The following ADAMTS17 variants were observed in gnomAD, a reference collection of about 807,000 sequenced individuals.
ADAMTS17 encodes A disintegrin and metalloproteinase with thrombospondin motifs 17.
Under a neutral mutation model 141.5 loss-of-function variants are expected in ADAMTS17, and 113 were observed. That is an observed-to-expected ratio of 0.80 (90% confidence interval 0.69 to 0.93). The LOEUF (loss-of-function observed/expected upper bound fraction) is 0.93. Ranked by LOEUF, ADAMTS17 falls within the 40% of genes least tolerant of loss-of-function variation. The probability of loss-of-function intolerance (pLI) is 0.00; values close to 1 mark genes in which losing one functional copy is unlikely to be tolerated. For synonymous variants in ADAMTS17, 768 were observed against 630.6 expected, an observed-to-expected ratio of 1.22 and a Z score of -3.27; for missense variants, 1,659 against 1,517.9, an observed-to-expected ratio of 1.09 and a Z score of -1.54.
rs1198081846 is a variant in ADAMTS17 at position 99,972,274 on chromosome 15, A to AGAT, written c.*2125_*2127dup. 6.6e-6 allele frequency: 1 copy of AGAT among 152,240 alleles called. No homozygotes were observed. The highest frequency in any genetic ancestry group is 1.5e-5 in the Non-Finnish European group (1 of 68,070). 9.4% of individuals were successfully genotyped at this position (152,240 alleles called of 1,614,324 possible). ...TCAAAAAACAACACCGACAACAAAA[A>AGAT]GATGAGCTAAAAGAGCTCTGCAGAT... On this transcript the variant is annotated 3_prime_UTR_variant, in exon 22 of 22. Coordinates refer to ENST00000268070, the MANE Select transcript of ADAMTS17 (RefSeq NM_139057.4).
chr15:100,284,301 G>T (rs1038125821), intron 3 of ADAMTS17, among the ~76,000 whole-genome samples: 1 of 152,164 alleles, frequency 6.6e-6, no homozygotes, highest in African/African-American at 2.4e-5. Context: ...GGGCAGGTGC[G>T]CTGTGGTTTT....
chr15:100,219,178 T>G (rs900924132), intron 7 of ADAMTS17, among the ~76,000 whole-genome samples: 1 of 152,186 alleles, frequency 6.6e-6, no homozygotes, highest in African/African-American at 2.4e-5. Context: ...TGACTAGTGC[T>G]TGGGGACAAG....
At chr15:100,215,368 G>C (rs759383433) in intron 7 of ADAMTS17, among the ~76,000 whole-genome samples, 1 of 152,220 alleles carries the variant, frequency 6.6e-6, no homozygotes, top group Non-Finnish European at 1.5e-5. Flanking sequence ...GGGCCCGAAT[G>C]TCTGGCGTTC....
chr15:100,172,043 C>A (rs2040180478), intron 8 of ADAMTS17, among the ~76,000 whole-genome samples: 1 of 152,200 alleles, frequency 6.6e-6, no homozygotes, highest in Non-Finnish European at 1.5e-5. Context: ...CCCTTCCAGG[C>A]TCTCAGACCA....
At chr15:100,253,365 TAGAGGGGGAG>T (rs2043213443) in intron 7 of ADAMTS17, among the ~76,000 whole-genome samples, 6 of 72,542 alleles carry the variant, frequency 8.3e-5, no homozygotes, top group Admixed American at 1.4e-4. Context: ...GAGGGGAAGG[TAGAGGGGGAG>T]GGGAAGGTAG....
chr15:100,052,245 A>G (rs58503050), intron 16 of ADAMTS17, among the ~76,000 whole-genome samples: 23,497 of 152,084 alleles, frequency 0.15, 4,145 homozygotes, highest in African/African-American at 0.44. Flanking sequence ...CAGAGTCAGG[A>G]GTAAGGCAAG....
At chr15:100,069,928 A>C (rs375531682) in intron 15 of ADAMTS17, among the ~76,000 whole-genome samples, 2 of 150,436 alleles carry the variant, frequency 1.3e-5, no homozygotes, top group East Asian at 1.9e-4. Context: ...TAAATGCTCC[A>C]ATTAAAAGAC....
intron 8 of ADAMTS17, among the ~76,000 whole-genome samples, chr15:100,161,493 C>G (rs61075242): frequency 0.02 from 3,106 of 152,328 alleles, 163 homozygotes; most frequent in East Asian, 0.19. Context: ...TCCAGCCCTA[C>G]TTTCATAGCC....
chr15:100,239,360 C>G (rs572466969), intron 7 of ADAMTS17, among the ~76,000 whole-genome samples: 1 of 152,202 alleles, frequency 6.6e-6, no homozygotes, highest in Non-Finnish European at 1.5e-5. Flanking sequence ...TGAGGAGCGG[C>G]GCTGGTTGTG....
intron 12 of ADAMTS17, among the ~76,000 whole-genome samples, chr15:100,121,890 T>C (rs1310002314): frequency 6.6e-6 from 1 of 152,168 alleles, no homozygotes; most frequent in Non-Finnish European, 1.5e-5. Flanking sequence ...ACTTTTTGGA[T>C]AGATTCCTAT....
chr15:100,335,384 G>C (rs534049842), intron 2 of ADAMTS17, among the ~76,000 whole-genome samples: 3 of 152,234 alleles, frequency 2.0e-5, no homozygotes, highest in Admixed American at 1.3e-4. Context: ...GGGCCTCGGT[G>C]ACTTTTCAGT....
chr15:100,253,392 A>G (rs1251971778), intron 7 of ADAMTS17, among the ~76,000 whole-genome samples: 3 of 13,694 alleles, frequency 2.2e-4, no homozygotes, highest in Admixed American at 7.3e-4. Context: ...GTAGAGGGGG[A>G]GGGGAAGGTA....
intron 15 of ADAMTS17, among the ~76,000 whole-genome samples, chr15:100,092,156 G>A (rs1483472853): frequency 6.6e-6 from 1 of 152,198 alleles, no homozygotes; most frequent in East Asian, 1.9e-4. Context: ...TGCTTGAGGG[G>A]AAAGAAAACT....
intron 12 of ADAMTS17, 113 bp downstream of exon 12, chr15:100,131,894 A>T (rs770767230): frequency 2.4e-5 from 36 of 1,530,022 alleles, no homozygotes; most frequent in Non-Finnish European, 3.1e-5. Context: ...TTCATTTTCC[A>T]TATCTTCTAA....
chr15:100,096,038 T>C (rs989234317), intron 15 of ADAMTS17, among the ~76,000 whole-genome samples: 3 of 152,194 alleles, frequency 2.0e-5, no homozygotes, highest in Non-Finnish European at 4.4e-5. Flanking sequence ...TCCCACCTTC[T>C]CTGCCTGTGC....
At chr15:100,270,849 A>AT (rs1454004085) in intron 4 of ADAMTS17, among the ~76,000 whole-genome samples, 1 of 135,852 alleles carries the variant, frequency 7.4e-6, no homozygotes, top group African/African-American at 2.7e-5. Context: ...ACTACTACCT[A>AT]TCCCCAAAAC....
At chr15:100,225,218 A>G (rs531609933) in intron 7 of ADAMTS17, among the ~76,000 whole-genome samples, 1 of 152,366 alleles carries the variant, frequency 6.6e-6, no homozygotes, top group African/African-American at 2.4e-5. Flanking sequence ...AGATTTTATA[A>G]AAGGGCTAAA....
At chr15:100,159,106 C>G (rs904908403) in intron 8 of ADAMTS17, among the ~76,000 whole-genome samples, 1 of 152,180 alleles carries the variant, frequency 6.6e-6, no homozygotes, top group Non-Finnish European at 1.5e-5. Flanking sequence ...CATGATCCAA[C>G]AATTCTATTT....
chr15:100,231,770 C>T lies in ADAMTS17; in HGVS notation c.1075+22366G>A, dbSNP rs77149417. Among the ~76,000 whole-genome samples, 20 of 152,246 alleles carry T rather than the reference C, an allele frequency of 1.3e-4. No individual in the cohort carries two copies. In the East Asian group the frequency reaches 3.9e-3, roughly 29 times the overall value. ...CCAAAAGGGTCTCAATGGTCTGTTG[C>T]CTCCTTCTGAGCTTTGGGTATGCAT... On this transcript the variant is annotated intron_variant, in intron 7 of 21. Transcript: ENST00000268070.
Sources: allele counts gnomAD v4.1 joint callset (sites outside exome capture counted in the v4.1 genomes callset), GRCh38; gene constraint gnomAD v4.1.1; transcripts MANE v1.5; gene names NCBI Gene and HGNC (gene_info 2026-07-23, HGNC 2026-07-21).